Variants in STK10 observed in about 807,000 individuals in gnomAD.
The protein encoded by STK10 is serine/threonine kinase 10.
STK10 carries 78 observed loss-of-function variants against 113.8 expected under a neutral mutation model. That is an observed-to-expected ratio of 0.69 (90% CI 0.57 to 0.83). STK10 has a LOEUF of 0.83. Ranked by LOEUF, STK10 falls within the 40% of genes least tolerant of loss-of-function variation. STK10 has a pLI of 0.00. For synonymous variants in STK10, 465 were observed against 494.7 expected, an observed-to-expected ratio of 0.94 and a Z score of 0.80; for missense variants, 1,109 against 1,280.1, an observed-to-expected ratio of 0.87 and a Z score of 2.04.
intron 18 of STK10, among the ~76,000 whole-genome samples, chr5:172,047,452 C>T (rs770613432): frequency 1.3e-5 from 2 of 152,244 alleles, no homozygotes; most frequent in Non-Finnish European, 1.5e-5. Flanking sequence ...GATTGCAGAA[C>T]CAACCTATGT....
chr5:172,064,646 C>G (rs3812022), intron 13 of STK10, 74 bp downstream of exon 13: 88,939 of 1,510,644 alleles, frequency 0.059, 4,074 homozygotes, highest in African/African-American at 0.22. Context: ...TGGGCAAAGG[C>G]AGAGAGGGGG....
Position 172,118,865 on chromosome 5 carries a change from C to G in STK10, c.371-1235G>C, listed in dbSNP as rs927673848. Among the ~76,000 whole-genome samples, 3 of 121,110 alleles carry G rather than the reference C, an allele frequency of 2.5e-5. 1 individual carries two copies. Among genetic ancestry groups the G allele is most frequent in the African/African-American group, 1.1e-4 (3 of 27,160 alleles). 79.5% of individuals were successfully genotyped at this position (121,110 alleles called of 152,430 possible). A position where few individuals can be genotyped will look rare whatever the true frequency, so the allele number is the denominator to read the frequency against. On this transcript the variant is annotated intron_variant, in intron 3 of 18. Transcript: ENST00000176763. ...CTGCACTCCAGCCTGGGTGACAGAG[C>G]GAGACTCAGTCTCAAAAAAAAAAAA... is the stretch of plus-strand genomic sequence containing the variant.
At chr5:172,162,273 G>A (rs1424980364) in intron 1 of STK10, among the ~76,000 whole-genome samples, 4 of 152,058 alleles carry the variant, frequency 2.6e-5, no homozygotes, top group Non-Finnish European at 5.9e-5. Flanking sequence ...CCCGGAAGGT[G>A]GAGGTGCAGT....
At chr5:172,070,020 T>C (rs1363848376) in intron 12 of STK10, among the ~76,000 whole-genome samples, 1 of 151,982 alleles carries the variant, frequency 6.6e-6, no homozygotes, top group African/African-American at 2.4e-5. Flanking sequence ...GGCTGAGGCA[T>C]GTGGATCACC....
At chr5:172,089,495 T>C (rs542512770) in intron 10 of STK10, among the ~76,000 whole-genome samples, 1 of 149,294 alleles carries the variant, frequency 6.7e-6, no homozygotes, top group South Asian at 2.1e-4. Flanking sequence ...AGTGGGTGGG[T>C]GGATGGATGA....
intron 2 of STK10, among the ~76,000 whole-genome samples, chr5:172,137,070 CTT>C (rs952291093): frequency 3.3e-5 from 5 of 150,784 alleles, no homozygotes; most frequent in African/African-American, 1.2e-4. Flanking sequence ...TAAAGTGAGA[CTT>C]ATTTTAAAAC....
chr5:172,109,906 C>T (rs139112010), intron 4 of STK10, among the ~76,000 whole-genome samples: 16 of 152,356 alleles, frequency 1.1e-4, no homozygotes, highest in African/African-American at 3.6e-4. Flanking sequence ...CAGGCCACCC[C>T]GGGCACCAGT....
chr5:172,144,899 C>T (rs1770055016), intron 2 of STK10, among the ~76,000 whole-genome samples: 2 of 152,252 alleles, frequency 1.3e-5, no homozygotes, highest in African/African-American at 2.4e-5. Context: ...GCACACCTAA[C>T]TACGCGTGCC....
chr5:172,154,640 G>T (rs945203814), intron 2 of STK10, among the ~76,000 whole-genome samples: 1 of 152,190 alleles, frequency 6.6e-6, no homozygotes, highest in Non-Finnish European at 1.5e-5. Context: ...CAGTGGGCCT[G>T]GAGGAGAAAG....
intron 4 of STK10, among the ~76,000 whole-genome samples, chr5:172,109,763 A>C (rs541822917): frequency 1.1e-4 from 17 of 152,334 alleles, no homozygotes; most frequent in African/African-American, 4.1e-4. Flanking sequence ...ATTCAGGATG[A>C]AACAACACTT....
At chr5:172,099,815 G>A (rs943388290) in intron 7 of STK10, among the ~76,000 whole-genome samples, 1 of 152,202 alleles carries the variant, frequency 6.6e-6, no homozygotes, top group Non-Finnish European at 1.5e-5. Flanking sequence ...CACAGGCAGG[G>A]GCTTCTGGAA....
At chr5:172,084,553 T>C (rs1467639194) in intron 10 of STK10, among the ~76,000 whole-genome samples, 3 of 152,158 alleles carry the variant, frequency 2.0e-5, no homozygotes, top group African/African-American at 7.2e-5. Flanking sequence ...CATATATGTA[T>C]TGTTTACTTT....
chr5:172,150,254 T>G lies in STK10; in HGVS notation c.321+6370A>C, dbSNP rs189969178. ...CCAGCACTTTGGGAGGCTGAGGAGG[T>G]TGGATCACCTGAGGTCAGGAGTTCA... is the stretch of plus-strand genomic sequence containing the variant. On this transcript the variant is annotated intron_variant, in intron 2 of 18. Transcript: ENST00000176763. Among the ~76,000 whole-genome samples, 443 of 150,352 alleles carry G rather than the reference T, an allele frequency of 2.9e-3. 3 individuals are homozygous for G. Among genetic ancestry groups the G allele is most frequent in the African/African-American group, 0.01 (417 of 40,980 alleles).
chr5:172,064,119 G>T (rs564020330), intron 13 of STK10, among the ~76,000 whole-genome samples: 1 of 152,232 alleles, frequency 6.6e-6, no homozygotes, highest in South Asian at 2.1e-4. Flanking sequence ...GAAACTGCAG[G>T]GGAAAAACAG....
intron 2 of STK10, among the ~76,000 whole-genome samples, chr5:172,155,349 G>A (rs1770326482): frequency 6.6e-6 from 1 of 151,776 alleles, no homozygotes; most frequent in East Asian, 1.9e-4. Flanking sequence ...AATATAAAAA[G>A]CAGCCAGGCG....
intron 14 of STK10, among the ~76,000 whole-genome samples, chr5:172,058,526 C>T (rs896943852): frequency 6.6e-6 from 1 of 152,190 alleles, no homozygotes; most frequent in Non-Finnish European, 1.5e-5. Context: ...TTCCTCACAG[C>T]AGGCTTGGAC....
In STK10 at chr5:172,054,711, G is replaced by A. The variant is rs1400382703; in HGVS notation, c.2527-17C>T. The A allele has an allele frequency of 2.5e-6, 4 of 1,607,220 alleles. No individual in the cohort carries two copies. The highest frequency in any genetic ancestry group is 1.7e-5 in the Admixed American group (1 of 60,018). ...CTGGGAGAACTGCACCAGAGAGAGG[G>A]TGGGTGCCTCAGGGGACCAGGGCCT... On this transcript the variant is annotated splice_polypyrimidine_tract_variant and intron_variant, in intron 16 of 18. Coordinates refer to ENST00000176763, the MANE Select transcript of STK10 (RefSeq NM_005990.4).
Position 172,043,887 on chromosome 5 carries a change from C to A in STK10, c.*995G>T, listed in dbSNP as rs1767437356. On this transcript the variant is annotated 3_prime_UTR_variant, in exon 19 of 19. Coordinates refer to ENST00000176763, the MANE Select transcript of STK10 (RefSeq NM_005990.4). Reference sequence around the variant, plus strand: ...GTCGGGGGGATGGGGCAGAGGCAAACAGCCCTCCTGTTTCACCTGCAGACA... The same window carrying A: ...GTCGGGGGGATGGGGCAGAGGCAAAAAGCCCTCCTGTTTCACCTGCAGACA... The A allele has an allele frequency of 6.6e-6, 1 of 152,344 alleles. No individual in the cohort carries two copies. The highest frequency in any genetic ancestry group is 1.5e-5 in the Non-Finnish European group (1 of 68,144). The allele number at this position is 152,344 out of a possible 1,614,324, so 9.4% of individuals were successfully genotyped here. A position where few individuals can be genotyped will look rare whatever the true frequency, so the allele number is the denominator to read the frequency against.
At chr5:172,119,142 C>T (rs116121056) in intron 3 of STK10, among the ~76,000 whole-genome samples, 2,717 of 152,110 alleles carry the variant, frequency 0.018, 78 homozygotes, top group African/African-American at 0.06. Flanking sequence ...CGAGAGATGG[C>T]CAGGGCCCTT....
Sources: allele counts gnomAD v4.1 joint callset (sites outside exome capture counted in the v4.1 genomes callset), GRCh38; gene constraint gnomAD v4.1.1; transcripts MANE v1.5; gene names NCBI Gene and HGNC (gene_info 2026-07-23, HGNC 2026-07-21).